Variants in PRKAR2B observed in about 807,000 individuals in gnomAD.
The protein encoded by PRKAR2B is cAMP-dependent protein kinase type II-beta regulatory subunit.
Under a neutral mutation model 49.9 loss-of-function variants are expected in PRKAR2B, and 14 were observed. The ratio of observed to expected loss-of-function variants is 0.28; its 90% CI spans 0.19 to 0.44. The LOEUF (loss-of-function observed/expected upper bound fraction) is 0.44, where lower values mean the gene tolerates loss of function less well. Ranked by LOEUF, PRKAR2B falls within the 20% of genes least tolerant of loss-of-function variation. The probability of loss-of-function intolerance (pLI) is 1.00; values close to 1 mark genes in which losing one functional copy is unlikely to be tolerated. For synonymous variants in PRKAR2B, 196 were observed against 197.7 expected, an observed-to-expected ratio of 0.99 and a Z score of 0.07; for missense variants, 393 against 537.9, an observed-to-expected ratio of 0.73 and a Z score of 2.67.
intron 2 of PRKAR2B, among the ~76,000 whole-genome samples, chr7:107,089,408 C>A (rs1794679446): frequency 6.6e-6 from 1 of 152,226 alleles, no homozygotes; most frequent in South Asian, 2.1e-4. Flanking sequence ...TCTTCCTAAC[C>A]AGGTTCTACA....
chr7:107,101,098 C>A (rs994953218), intron 2 of PRKAR2B, among the ~76,000 whole-genome samples: 1 of 139,886 alleles, frequency 7.1e-6, no homozygotes, highest in African/African-American at 2.7e-5. Flanking sequence ...TGTAGCAGTT[C>A]TGGATTCTGA....
At chr7:107,104,482 T>C (rs1265944319) in intron 2 of PRKAR2B, among the ~76,000 whole-genome samples, 1 of 152,214 alleles carries the variant, frequency 6.6e-6, no homozygotes, top group East Asian at 1.9e-4. Context: ...AATTTGGGCC[T>C]CGTTGGGGGG....
rs368038010 is a variant in PRKAR2B at position 107,065,732 on chromosome 7, T to G, written c.308-4549T>G. On this transcript the variant is annotated intron_variant, in intron 1 of 10. Coordinates refer to ENST00000265717, the MANE Select transcript of PRKAR2B (RefSeq NM_002736.3). ...ACTTGCTCTGTTTCCTTGCAGAGTT[T>G]ATTGATGCATTCTGCAGGTATTTAC... Among the ~76,000 whole-genome samples the G allele has an allele frequency of 7.9e-5, 12 of 152,304 alleles. No individual in the cohort carries two copies. The South Asian group carries it at 1.0e-3, about 13-fold the overall frequency.
Position 107,069,397 on chromosome 7 carries a change from C to T in PRKAR2B, c.308-884C>T, listed in dbSNP as rs184240865. Among the ~76,000 whole-genome samples the T allele has an allele frequency of 3.8e-3, 580 of 152,244 alleles. 4 individuals are homozygous for T. Among genetic ancestry groups the T allele is most frequent in the Middle Eastern group, 0.014 (4 of 292 alleles). Reference sequence around the variant, plus strand: ...TCTCTTTTTACTTGACCTAGTGTTTCCATAGTGTAAACAAATTTCATAATT... The same window carrying T: ...TCTCTTTTTACTTGACCTAGTGTTTTCATAGTGTAAACAAATTTCATAATT... On this transcript the variant is annotated intron_variant, in intron 1 of 10. Transcript: ENST00000265717.
chr7:107,153,140 T>A (rs1192105580), intron 7 of PRKAR2B, 37 bp from the exon 8 acceptor site: 3 of 1,531,724 alleles, frequency 2.0e-6, no homozygotes, highest in Middle Eastern at 3.4e-4. Context: ...ACCCAGTTAA[T>A]TTGTTTCTAT....
At chr7:107,129,850 G>GA (rs1291003616) in intron 4 of PRKAR2B, among the ~76,000 whole-genome samples, 3 of 152,188 alleles carry the variant, frequency 2.0e-5, no homozygotes, top group Non-Finnish European at 4.4e-5. Flanking sequence ...GTTCTGGTGG[G>GA]AGTGTGGCAG....
At chr7:107,046,191 A>T (rs1793690790) in intron 1 of PRKAR2B, among the ~76,000 whole-genome samples, 1 of 152,202 alleles carries the variant, frequency 6.6e-6, no homozygotes, top group Non-Finnish European at 1.5e-5. Context: ...ATTACACAAC[A>T]TGCCCAAATC....
chr7:107,144,831 CT>C lies in PRKAR2B; in HGVS notation c.588-1474del, dbSNP rs1795860575. Among the ~76,000 whole-genome samples, 2 of 107,258 alleles carry C rather than the reference CT, an allele frequency of 1.9e-5. 1 individual carries two copies. Among genetic ancestry groups the C allele is most frequent in the South Asian group, 6.1e-4 (2 of 3,266 alleles). The allele number at this position is 107,258 out of a possible 152,430, so 70.4% of individuals were successfully genotyped here. A position where few individuals can be genotyped will look rare whatever the true frequency, so the allele number is the denominator to read the frequency against. ...TTTTTTTTAGCAGCACGTCCCCACT[CT>C]TTGTCTGTGTTAGGGTTTAGTCAAC... On this transcript the variant is annotated intron_variant, in intron 5 of 10. Coordinates refer to ENST00000265717, the MANE Select transcript of PRKAR2B (RefSeq NM_002736.3).
At chr7:107,092,271 G>C (rs1004066499) in intron 2 of PRKAR2B, among the ~76,000 whole-genome samples, 1 of 147,400 alleles carries the variant, frequency 6.8e-6, no homozygotes, top group African/African-American at 2.5e-5. Context: ...GTGTGTGTGC[G>C]TGTGTCTGTG....
intron 4 of PRKAR2B, among the ~76,000 whole-genome samples, chr7:107,138,978 C>CA (rs888691923): frequency 6.6e-6 from 1 of 151,058 alleles, no homozygotes; most frequent in Non-Finnish European, 1.5e-5. Context: ...TGAACCCTGC[C>CA]AAAAAAAATC....
At chr7:107,055,902 C>G (rs542699011) in intron 1 of PRKAR2B, among the ~76,000 whole-genome samples, 20 of 152,264 alleles carry the variant, frequency 1.3e-4, no homozygotes, top group African/African-American at 4.8e-4. Context: ...TGCCTATGTC[C>G]TGAATGGTAT....
chr7:107,084,389 A>G (rs1475675006), intron 2 of PRKAR2B, among the ~76,000 whole-genome samples: 2 of 152,142 alleles, frequency 1.3e-5, no homozygotes, highest in Non-Finnish European at 2.9e-5. Context: ...TTATCTTTTC[A>G]GCTAGAAATC....
intron 2 of PRKAR2B, among the ~76,000 whole-genome samples, chr7:107,072,608 A>C (rs746350965): frequency 1.3e-5 from 2 of 152,212 alleles, no homozygotes; most frequent in Non-Finnish European, 2.9e-5. Flanking sequence ...GACAAAGAAT[A>C]TAGAAACAGT....
chr7:107,153,202 A>G lies in PRKAR2B; in HGVS notation c.869A>G (p.Asp290Gly). The G allele has an allele frequency of 1.2e-6, 2 of 1,609,720 alleles. No homozygotes were observed. Among genetic ancestry groups the G allele is most frequent in the Non-Finnish European group, 1.7e-6 (2 of 1,178,110 alleles). The change falls in exon 8 of 11, where the codon GAT (aspartate) becomes GGT (glycine). Residue 290 changes from aspartate to glycine, a missense_variant. By Grantham distance (94) the Asp-to-Gly change is moderately conservative (BLOSUM62 -1). This residue lies in a region of PRKAR2B where 233 missense variants were observed against 390.4 expected (regional missense o/e 0.60). Transcript: ENST00000265717. ...LEFSERLKVV[D>G]VIGTKVYNDG... is the part of the protein sequence containing the mutation. Reference sequence around the variant, plus strand: ...TTTTCTGAACGCCTGAAAGTAGTAGATGTGATAGGCACCAAAGTATACAAC... The same window carrying G: ...TTTTCTGAACGCCTGAAAGTAGTAGGTGTGATAGGCACCAAAGTATACAAC...
intron 4 of PRKAR2B, among the ~76,000 whole-genome samples, chr7:107,139,096 A>T (rs941585172): frequency 2.0e-5 from 3 of 152,066 alleles, no homozygotes; most frequent in Admixed American, 2.0e-4. Context: ...TCTCATGGAT[A>T]TAATATCATC....
At chr7:107,152,242 C>G (rs1374972267) in intron 7 of PRKAR2B, among the ~76,000 whole-genome samples, 1 of 152,208 alleles carries the variant, frequency 6.6e-6, no homozygotes, top group Non-Finnish European at 1.5e-5. Context: ...CTCTAAGGCT[C>G]TGCACAGACT....
rs1357776912 is a variant in PRKAR2B, at chr7:107,160,685, A to C, written c.*1103A>C. 2 of 152,190 alleles carry C rather than the reference A, an allele frequency of 1.3e-5. No homozygotes were observed. The highest frequency in any genetic ancestry group is 2.4e-5 in the African/African-American group (1 of 41,442). The allele number at this position is 152,190 out of a possible 1,614,324, so 9.4% of individuals were successfully genotyped here. ...AAACATCCTCTAGAGGAATAGAAAC[A>C]AATTTTTATGAGCATAACCCTATAT... is the stretch of plus-strand genomic sequence containing the variant. On this transcript the variant is annotated 3_prime_UTR_variant, in exon 11 of 11. Transcript: ENST00000265717.
At chr7:107,066,302 GTGT>G (rs1199106753) in intron 1 of PRKAR2B, among the ~76,000 whole-genome samples, 2 of 20,382 alleles carry the variant, frequency 9.8e-5, no homozygotes, top group African/African-American at 7.8e-4. Context: ...TCTATGTGGG[GTGT>G]GTGTGTGTGT....
chr7:107,146,479 T>C lies in PRKAR2B; in HGVS notation c.741+18T>C, dbSNP rs1353209209. The C allele has an allele frequency of 1.9e-6, 3 of 1,604,386 alleles. No homozygotes were observed. On this transcript the variant is annotated intron_variant, in intron 6 of 10. Transcript: ENST00000265717. ...GGGGTTTGGTGAGTAAAATACTTAT[T>C]TGACCTGAATGTTATGATTTGTAGC...
Sources: allele counts gnomAD v4.1 joint callset (sites outside exome capture counted in the v4.1 genomes callset), GRCh38; gene constraint gnomAD v4.1.1; regional missense constraint gnomAD v4.1.1; transcripts MANE v1.5; gene names NCBI Gene and HGNC (gene_info 2026-07-23, HGNC 2026-07-21).